The following CSMD3 variants were observed in gnomAD, a reference collection of about 807,000 sequenced individuals.
CSMD3 encodes the protein CUB and sushi domain-containing protein 3.
Under a neutral mutation model 435.2 loss-of-function variants are expected in CSMD3, and 177 were observed. The ratio of observed to expected loss-of-function variants is 0.41; its 90% CI spans 0.36 to 0.46. The LOEUF is 0.46. CSMD3 is among the 20% of genes least tolerant of loss of function. The pLI is 0.34. For synonymous variants in CSMD3, 1,656 were observed against 1,520.5 expected (o/e 1.09, Z -2.07); for missense variants, 4,265 against 4,504.6 (o/e 0.95, Z 1.52).
At chr8:112,816,072 C>CTCTACAGCTCATGGCATA (rs1184266941) in intron 12 of CSMD3, among the ~76,000 whole-genome samples, 28 of 152,234 alleles carry the variant, frequency 1.8e-4, no homozygotes, top group African/African-American at 6.7e-4. Flanking sequence ...GACTACAGAG[C>CTCTACAGCTCATGGCATA]TCTACAGCTC....
At chr8:113,047,784 C>A (rs1033440866) in intron 5 of CSMD3, among the ~76,000 whole-genome samples, 10 of 152,124 alleles carry the variant, frequency 6.6e-5, no homozygotes, top group African/African-American at 2.4e-4. Context: ...TTACTAATTA[C>A]ATTGCTTAGT....
chr8:112,996,206 T>A (rs1368825834), intron 6 of CSMD3, among the ~76,000 whole-genome samples: 1 of 151,454 alleles, frequency 6.6e-6, no homozygotes, highest in Non-Finnish European at 1.5e-5. Context: ...CTCTTGAACT[T>A]ATACCTCCCA....
intron 3 of CSMD3, among the ~76,000 whole-genome samples, chr8:113,268,720 C>A (rs574387377): frequency 1.4e-4 from 21 of 152,136 alleles, no homozygotes; most frequent in South Asian, 6.2e-4. Flanking sequence ...CTCTGAAGAT[C>A]CCAGACTGAC....
chr8:113,226,381 A>G (rs770231772), intron 3 of CSMD3, among the ~76,000 whole-genome samples: 9 of 151,650 alleles, frequency 5.9e-5, no homozygotes, highest in Non-Finnish European at 1.3e-4. Flanking sequence ...ATACAACTTT[A>G]CATAAATGTA....
At chr8:113,361,090 T>C (rs1036493805) in intron 1 of CSMD3, among the ~76,000 whole-genome samples, 41 of 152,212 alleles carry the variant, frequency 2.7e-4, no homozygotes, top group African/African-American at 8.7e-4. Flanking sequence ...GTAAAGATTA[T>C]GTAACAGCAA....
At chr8:112,927,751 T>C (rs1296882545) in intron 9 of CSMD3, among the ~76,000 whole-genome samples, 3 of 152,156 alleles carry the variant, frequency 2.0e-5, no homozygotes, top group Non-Finnish European at 2.9e-5. Flanking sequence ...CTTGACCTTA[T>C]AAAATTAATG....
chr8:112,713,814 C>T (rs1292831381), intron 13 of CSMD3, among the ~76,000 whole-genome samples: 1 of 152,022 alleles, frequency 6.6e-6, no homozygotes, highest in Non-Finnish European at 1.5e-5. Flanking sequence ...ATTTCATATC[C>T]AGCCAAACTA....
intron 11 of CSMD3, among the ~76,000 whole-genome samples, chr8:112,855,513 AT>A (rs2080624585): frequency 6.6e-6 from 1 of 152,092 alleles, no homozygotes; most frequent in Non-Finnish European, 1.5e-5. Context: ...TTGTGTTTTA[AT>A]TAAAATTGGC....
At chr8:112,648,549 C>A (rs2075042810) in intron 19 of CSMD3, among the ~76,000 whole-genome samples, 1 of 151,908 alleles carries the variant, frequency 6.6e-6, no homozygotes, top group Non-Finnish European at 1.5e-5. Flanking sequence ...CATTTCTAAG[C>A]AATAAAAAGC....
At chr8:113,200,980 T>G (rs2132030576) in intron 3 of CSMD3, among the ~76,000 whole-genome samples, 1 of 151,882 alleles carries the variant, frequency 6.6e-6, no homozygotes, top group East Asian at 2.0e-4. Context: ...TAGGTTGAAG[T>G]AGAAAACTCA....
rs557073307 is a variant in CSMD3 at position 113,073,704 on chromosome 8, CT to C, written c.917+25051del. On this transcript the variant is annotated intron_variant, in intron 5 of 70. Coordinates refer to ENST00000297405, the MANE Select transcript of CSMD3 (RefSeq NM_198123.2). ...GATACAAAAGTGACCTCTCACAATT[CT>C]TTTTTTTTTCAGTAAAAATATAGAA... Among the ~76,000 whole-genome samples, 64 of 148,076 alleles carry C rather than the reference CT, an allele frequency of 4.3e-4. 1 individual carries two copies. The South Asian group carries it at 4.5e-3, about 10-fold the overall frequency.
chr8:112,225,007 C>T (rs2129769975), intron 70 of CSMD3, 77 bp from the exon 71 acceptor site: 1 of 1,302,572 alleles, frequency 7.7e-7, no homozygotes, highest in Non-Finnish European at 1.1e-6. Context: ...ACATAATGTA[C>T]ATCGTTAGCA....
intron 13 of CSMD3, among the ~76,000 whole-genome samples, chr8:112,755,310 G>A (rs527823699): frequency 6.0e-5 from 9 of 149,012 alleles, no homozygotes; most frequent in African/African-American, 7.4e-5. Flanking sequence ...TAGCCTGGGC[G>A]ACGGAGGGAG....
At chr8:112,548,957 T>C (rs1473500098) in intron 27 of CSMD3, among the ~76,000 whole-genome samples, 4 of 152,046 alleles carry the variant, frequency 2.6e-5, no homozygotes, top group Non-Finnish European at 5.9e-5. Flanking sequence ...AATATAAAAA[T>C]GTACTGCTAT....
At chr8:112,810,994 A>T (rs952715766) in intron 12 of CSMD3, among the ~76,000 whole-genome samples, 15 of 152,074 alleles carry the variant, frequency 9.9e-5, no homozygotes, top group African/African-American at 3.6e-4. Context: ...ATGGCTAATC[A>T]AGAATCTGCT....
intron 1 of CSMD3, among the ~76,000 whole-genome samples, chr8:113,389,687 A>T (rs1195395016): frequency 6.6e-6 from 1 of 151,690 alleles, no homozygotes; most frequent in Non-Finnish European, 1.5e-5. Flanking sequence ...GATTCACCAT[A>T]TGCTAGCTGT....
At chr8:112,863,671 G>T (rs2080887901) in intron 10 of CSMD3, among the ~76,000 whole-genome samples, 2 of 151,936 alleles carry the variant, frequency 1.3e-5, no homozygotes. Flanking sequence ...AAAGGAGATT[G>T]GTGTCTGTAT....
intron 6 of CSMD3, among the ~76,000 whole-genome samples, chr8:112,978,941 A>G: frequency 6.6e-6 from 1 of 152,094 alleles, no homozygotes; most frequent in East Asian, 1.9e-4. Context: ...TAGCAATAAT[A>G]AAAAGACACA....
At chr8:113,029,280 C>G (rs1369022711) in intron 5 of CSMD3, among the ~76,000 whole-genome samples, 1 of 151,356 alleles carries the variant, frequency 6.6e-6, no homozygotes, top group Non-Finnish European at 1.5e-5. Flanking sequence ...TTCTAAGAAG[C>G]CAGCATCACC....
Sources: allele counts gnomAD v4.1 joint callset (sites outside exome capture counted in the v4.1 genomes callset), GRCh38; gene constraint gnomAD v4.1.1; transcripts MANE v1.5; gene names NCBI Gene and HGNC (gene_info 2026-07-23, HGNC 2026-07-21).